IQCM: variants seen among roughly 807,000 people sequenced by gnomAD.
IQCM encodes IQ motif containing M, also known as IQ domain-containing protein M.
In IQCM, 45 loss-of-function variants were observed where a neutral mutation model predicts 57.6. The ratio of observed to expected loss-of-function variants is 0.78; its 90% CI spans 0.62 to 1.00. IQCM has a LOEUF of 1.00. IQCM is among the 50% of genes least tolerant of loss of function. The pLI, the probability that IQCM is intolerant of heterozygous loss-of-function variation, is 0.00. For synonymous variants in IQCM, 148 were observed against 158.9 expected (o/e 0.93, Z 0.51); for missense variants, 468 against 511.6 (o/e 0.91, Z 0.82).
At chr4:149,757,058 AC>A (rs1158324486) in intron 2 of IQCM, among the ~76,000 whole-genome samples, 1 of 152,158 alleles carries the variant, frequency 6.6e-6, no homozygotes, top group Non-Finnish European at 1.5e-5. Context: ...GGAGATCCAG[AC>A]CATCCTGGCT....
chr4:149,799,548 G>T (rs1773415029), intron 2 of IQCM, among the ~76,000 whole-genome samples: 1 of 151,616 alleles, frequency 6.6e-6, no homozygotes, highest in African/African-American at 2.4e-5. Flanking sequence ...GAGACAAAAA[G>T]TTGGTTTTTT....
chr4:149,719,572 A>G (rs1303685942), intron 5 of IQCM, among the ~76,000 whole-genome samples: 1 of 152,210 alleles, frequency 6.6e-6, no homozygotes, highest in East Asian at 1.9e-4. Context: ...AAGTCCAGCT[A>G]AAGTTTATCT....
chr4:149,616,884 T>C (rs2150065207), intron 8 of IQCM, among the ~76,000 whole-genome samples: 1 of 151,920 alleles, frequency 6.6e-6, no homozygotes, highest in East Asian at 1.9e-4. Flanking sequence ...GCCAAGTTAA[T>C]AGGTGCAGCA....
intron 10 of IQCM, among the ~76,000 whole-genome samples, chr4:149,561,653 T>C (rs1341930479): frequency 1.3e-5 from 2 of 152,114 alleles, no homozygotes; most frequent in African/African-American, 2.4e-5. Flanking sequence ...AAAATATATG[T>C]ATACAAAGAG....
chr4:149,399,486 T>G (rs1732467451), intron 13 of IQCM, among the ~76,000 whole-genome samples: 1 of 150,148 alleles, frequency 6.7e-6, no homozygotes. Flanking sequence ...AAAAAAAGAG[T>G]GATAGAAGGA....
At chr4:149,563,288 A>C (rs1386208671) in intron 10 of IQCM, among the ~76,000 whole-genome samples, 1 of 152,192 alleles carries the variant, frequency 6.6e-6, no homozygotes, top group Non-Finnish European at 1.5e-5. Context: ...TTATTTCAAA[A>C]TATCCTTGTT....
chr4:149,623,212 A>C (rs191545114), intron 7 of IQCM, among the ~76,000 whole-genome samples: 105 of 152,340 alleles, frequency 6.9e-4, no homozygotes, highest in African/African-American at 2.3e-3. Context: ...TGATTAAAAA[A>C]TGAATTGTCT....
intron 13 of IQCM, among the ~76,000 whole-genome samples, chr4:149,353,321 T>C (rs924668744): frequency 3.3e-5 from 5 of 152,302 alleles, no homozygotes; most frequent in Middle Eastern, 3.4e-3. Context: ...GAAACACTTA[T>C]ACACTATTGG....
At position 149,533,093 on chromosome 4, in the gene IQCM, G is replaced by C. The variant is rs141686360; in HGVS notation, c.1228+15362C>G. ...TAAATAGAAGAAACAGCAAATGCAA[G>C]TAATTTAGTGTATTTAAAAAGTCAA... On this transcript the variant is annotated intron_variant, in intron 12 of 13. Coordinates refer to ENST00000636793, the MANE Select transcript of IQCM (RefSeq NM_001363507.2). 8.5e-5 allele frequency among the ~76,000 whole-genome samples: 13 copies of C among 152,146 alleles called. No individual in the cohort carries two copies. The Middle Eastern group carries it at 0.014, about 159-fold the overall frequency.
chr4:149,636,156 G>A (rs962976627), intron 7 of IQCM, among the ~76,000 whole-genome samples: 1 of 152,158 alleles, frequency 6.6e-6, no homozygotes, highest in Non-Finnish European at 1.5e-5. Flanking sequence ...TCACAAGGCA[G>A]TCTGATGATC....
intron 12 of IQCM, among the ~76,000 whole-genome samples, chr4:149,483,684 G>A (rs1359857543): frequency 7.9e-5 from 12 of 151,872 alleles, no homozygotes; most frequent in South Asian, 2.1e-4. Context: ...GTTTTGTGAC[G>A]TAACATATGG....
At chr4:149,591,424 C>T (rs1214347944) in intron 8 of IQCM, among the ~76,000 whole-genome samples, 1 of 151,774 alleles carries the variant, frequency 6.6e-6, no homozygotes, top group African/African-American at 2.4e-5. Flanking sequence ...GCCTATTATG[C>T]CCCAACACTT....
chr4:149,805,049 G>A (rs76098229), intron 2 of IQCM, among the ~76,000 whole-genome samples: 4,347 of 152,140 alleles, frequency 0.029, 215 homozygotes, highest in African/African-American at 0.099. Context: ...CAGTTGTGAA[G>A]TGTTCTATCC....
rs1754479032 is a variant in IQCM at position 149,603,278 on chromosome 4, G to T, written c.682-15281C>A. Reference sequence around the variant, plus strand: ...ATAATTTTAAAAAATCTTAACACATGATAAAAGACAAATGTTAAAAGGCAA... The same window carrying T: ...ATAATTTTAAAAAATCTTAACACATTATAAAAGACAAATGTTAAAAGGCAA... On this transcript the variant is annotated intron_variant, in intron 8 of 13. Coordinates refer to ENST00000636793, the MANE Select transcript of IQCM (RefSeq NM_001363507.2). Among the ~76,000 whole-genome samples, 4 of 152,092 alleles carry T rather than the reference G, an allele frequency of 2.6e-5. No individual in the cohort carries two copies. The South Asian group carries it at 8.3e-4, about 32-fold the overall frequency.
At chr4:149,401,106 A>G (rs1732588753) in intron 13 of IQCM, among the ~76,000 whole-genome samples, 1 of 151,740 alleles carries the variant, frequency 6.6e-6, no homozygotes, top group African/African-American at 2.4e-5. Context: ...TTAGATGAAT[A>G]AGATAGGCCC....
chr4:149,792,564 A>G (rs1772736809), intron 2 of IQCM, among the ~76,000 whole-genome samples: 1 of 152,166 alleles, frequency 6.6e-6, no homozygotes, highest in African/African-American at 2.4e-5. Context: ...ATTTTTTAAA[A>G]TATTTTCTGT....
chr4:149,671,122 CTT>C (rs1017517657), intron 7 of IQCM, among the ~76,000 whole-genome samples: 1 of 151,866 alleles, frequency 6.6e-6, no homozygotes, highest in Non-Finnish European at 1.5e-5. Flanking sequence ...GTCCTGGACT[CTT>C]TTTGGTTGGT....
At chr4:149,551,983 TG>T (rs1044827786) in intron 11 of IQCM, among the ~76,000 whole-genome samples, 8 of 152,124 alleles carry the variant, frequency 5.3e-5, no homozygotes, top group African/African-American at 1.7e-4. Flanking sequence ...ACCAGGCTGT[TG>T]GGCTGGGCTG....
At chr4:149,683,674 G>A (rs746464712) in intron 6 of IQCM, among the ~76,000 whole-genome samples, 2 of 151,174 alleles carry the variant, frequency 1.3e-5, no homozygotes, top group Non-Finnish European at 3.0e-5. Context: ...AATTTCCTTT[G>A]CTTTCTAATA....
Sources: allele counts gnomAD v4.1 joint callset (sites outside exome capture counted in the v4.1 genomes callset), GRCh38; gene constraint gnomAD v4.1.1; transcripts MANE v1.5; gene names NCBI Gene and HGNC (gene_info 2026-07-23, HGNC 2026-07-21).